FRRS1: variants seen among roughly 807,000 people sequenced by gnomAD.
FRRS1 encodes the protein ferric reductase 1.
A neutral mutation model predicts 70.7 loss-of-function variants in FRRS1; 51 were observed. The observed-to-expected ratio is 0.72, with a 90% CI of 0.58 to 0.91. The LOEUF (loss-of-function observed/expected upper bound fraction) is 0.91, where lower values mean the gene tolerates loss of function less well. FRRS1 is among the 40% of genes least tolerant of loss of function. FRRS1 has a pLI of 0.00. For missense variants in FRRS1, 672 were observed against 726.0 expected, an observed-to-expected ratio of 0.93 and a Z score of 0.86; for synonymous variants, 225 against 238.7, an observed-to-expected ratio of 0.94 and a Z score of 0.53.
intron 3 of FRRS1, chr1:99,748,112 C>A (rs1052141392): frequency 6.4e-6 from 1 of 156,086 alleles, no homozygotes; most frequent in African/African-American, 2.4e-5. Flanking sequence ...TTTCTATATA[C>A]TCTCTATGTA....
intron 7 of FRRS1, among the ~76,000 whole-genome samples, chr1:99,730,736 G>A (rs1315023923): frequency 6.6e-6 from 1 of 152,056 alleles, no homozygotes; most frequent in Non-Finnish European, 1.5e-5. Flanking sequence ...GCATGGTAGT[G>A]GGCGCCTGTA....
intron 4 of FRRS1, among the ~76,000 whole-genome samples, chr1:99,745,440 T>C (rs945544275): frequency 3.3e-5 from 5 of 152,264 alleles, no homozygotes; most frequent in East Asian, 3.9e-4. Context: ...TCCCAGTGCT[T>C]TGGGAGGCCG....
chr1:99,763,767 C>A (rs1243251201), intron 1 of FRRS1, among the ~76,000 whole-genome samples: 1 of 151,012 alleles, frequency 6.6e-6, no homozygotes, highest in Admixed American at 6.6e-5. Context: ...ACTCGGGAGG[C>A]TGAGGCAGAA....
chr1:99,762,401 C>T (rs527687340), intron 1 of FRRS1, among the ~76,000 whole-genome samples: 2 of 151,820 alleles, frequency 1.3e-5, no homozygotes, highest in South Asian at 4.2e-4. Flanking sequence ...AGTCTGGTTC[C>T]TCTTTTACGT....
chr1:99,743,705 C>T (rs1383019848), intron 4 of FRRS1, among the ~76,000 whole-genome samples: 1 of 152,124 alleles, frequency 6.6e-6, no homozygotes, highest in Non-Finnish European at 1.5e-5. Context: ...CATGCCACCA[C>T]ACTCAGCTAA....
chr1:99,738,265 T>G lies in FRRS1; in HGVS notation c.580A>C (p.Ser194Arg), dbSNP rs1655778739. ...PPVSHLTKPF[S>R]ASDCGNKKFC... ...TTCTTGTTCCCACAATCTGAGGCAC[T>G]GAACTAGAAAAATGACAGAGGAAAA... Residue 194 changes from serine (S) to arginine (R), a missense_variant, in exon 7 of 17, where the codon AGT (serine) becomes CGT (arginine). By Grantham distance (110) the Ser-to-Arg change is moderately radical. Coordinates refer to ENST00000646001, the MANE Select transcript of FRRS1 (RefSeq NM_001361041.2). 1 of 1,578,936 alleles carries G rather than the reference T, an allele frequency of 6.3e-7. No homozygotes were observed. Among genetic ancestry groups the G allele is most frequent in the African/African-American group, 1.4e-5 (1 of 72,780 alleles).
rs887104569 is a variant in FRRS1, at chr1:99,740,784, G to T, written c.576+9C>A. ...CCATCTCTACAGAGAAAATAAAATT[G>T]TTACTTACTGGTTTGGTTAAGTGGG... On this transcript the variant is annotated intron_variant, in intron 6 of 16. Transcript: ENST00000646001. The T allele has an allele frequency of 1.9e-6, 3 of 1,591,220 alleles. No homozygotes were observed. Among genetic ancestry groups the T allele is most frequent in the Non-Finnish European group, 2.6e-6 (3 of 1,159,320 alleles).
chr1:99,743,443 A>T (rs1656074258), intron 4 of FRRS1, among the ~76,000 whole-genome samples: 1 of 152,240 alleles, frequency 6.6e-6, no homozygotes. Context: ...GACAAACTGC[A>T]TAGGCTAGAA....
At chr1:99,732,200 C>T (rs182639530) in intron 7 of FRRS1, among the ~76,000 whole-genome samples, 38 of 152,244 alleles carry the variant, frequency 2.5e-4, no homozygotes, top group African/African-American at 8.4e-4. Context: ...AGTAAGTGAA[C>T]GTGCTACTCC....
Position 99,748,610 on chromosome 1 carries a change from C to T in FRRS1, c.159G>A (p.Val53=), listed in dbSNP as rs777504211. The change falls in exon 3 of 17, where the codon GTG becomes GTA. Residue 53 remains valine (V), a synonymous_variant. Transcript: ENST00000646001. Reference sequence around the variant, plus strand: ...CTCCTGGCCTGAATGTCATCTGACTCACGTAAATGTCATGAACAGGAACAG... The same window carrying T: ...CTCCTGGCCTGAATGTCATCTGACTTACGTAAATGTCATGAACAGGAACAG... ...PQSVPVHDIY[V]SQMTFRPGDQ... 3 of 1,614,020 alleles carry T rather than the reference C, an allele frequency of 1.9e-6. No individual in the cohort carries two copies. The highest frequency in any genetic ancestry group is 1.3e-5 in the African/African-American group (1 of 75,036).
chr1:99,729,845 T>C (rs1309684906), intron 7 of FRRS1, 97 bp from the exon 8 acceptor site: 1 of 720,778 alleles, frequency 1.4e-6, no homozygotes, highest in Non-Finnish European at 2.4e-6. Flanking sequence ...AAATATTATG[T>C]GATGCTTTGA....
chr1:99,734,507 T>G (rs898354774), intron 7 of FRRS1, among the ~76,000 whole-genome samples: 2 of 151,436 alleles, frequency 1.3e-5, no homozygotes, highest in East Asian at 1.9e-4. Context: ...CTTATGGGTG[T>G]TCACTGTACT....
intron 1 of FRRS1, among the ~76,000 whole-genome samples, chr1:99,761,897 T>C (rs945532800): frequency 2.6e-5 from 4 of 152,194 alleles, no homozygotes; most frequent in African/African-American, 9.7e-5. Context: ...AGTTAACAAT[T>C]ACTAAGGGCT....
chr1:99,760,680 C>T (rs931613572), intron 1 of FRRS1, among the ~76,000 whole-genome samples: 9 of 152,036 alleles, frequency 5.9e-5, no homozygotes, highest in African/African-American at 1.7e-4. Context: ...GATGGAGTCT[C>T]GCTCTGTCGC....
At chr1:99,740,978 T>C in intron 5 of FRRS1, 38 bp from the exon 6 acceptor site, 1 of 1,592,646 alleles carries the variant, frequency 6.3e-7, no homozygotes, top group Non-Finnish European at 8.6e-7. Flanking sequence ...ACCCTAATTG[T>C]GTCCTGTCAC....
chr1:99,758,542 G>A (rs546467999), intron 1 of FRRS1, among the ~76,000 whole-genome samples: 71 of 152,256 alleles, frequency 4.7e-4, no homozygotes, highest in African/African-American at 1.5e-3. Flanking sequence ...AGCTTCATAA[G>A]CTGAGGATGT....
chr1:99,721,092 A>G (rs1654797497), intron 9 of FRRS1, among the ~76,000 whole-genome samples: 2 of 152,190 alleles, frequency 1.3e-5, no homozygotes, highest in Admixed American at 6.5e-5. Flanking sequence ...TTAGAAATTT[A>G]AAGGATGGCT....
intron 9 of FRRS1, among the ~76,000 whole-genome samples, chr1:99,726,838 CT>C (rs1655099025): frequency 6.6e-6 from 1 of 152,200 alleles, no homozygotes; most frequent in South Asian, 2.1e-4. Flanking sequence ...TCCTGAGTAG[CT>C]AGGACCACAG....
intron 1 of FRRS1, among the ~76,000 whole-genome samples, chr1:99,766,142 G>A (rs1391551095): frequency 6.6e-6 from 1 of 152,082 alleles, no homozygotes. Flanking sequence ...ACCAGGGCTA[G>A]GGAGTGGGAG....
Sources: allele counts gnomAD v4.1 joint callset (sites outside exome capture counted in the v4.1 genomes callset), GRCh38; gene constraint gnomAD v4.1.1; transcripts MANE v1.5; gene names NCBI Gene and HGNC (gene_info 2026-07-23, HGNC 2026-07-21).